The following TAFA4 variants were observed in gnomAD, a reference collection of about 807,000 sequenced individuals.
The protein encoded by TAFA4 is TAFA chemokine like family member 4, also known as chemokine-like protein TAFA-4.
Under a neutral mutation model 21.1 loss-of-function variants are expected in TAFA4, and 20 were observed. That is an observed-to-expected ratio of 0.95 (90% CI 0.67 to 1.38). TAFA4 has a LOEUF of 1.38. TAFA4 is among the 40% of genes most tolerant of loss of function. The probability of loss-of-function intolerance (pLI) is 0.00; values close to 1 mark genes in which losing one functional copy is unlikely to be tolerated. For missense variants in TAFA4, 211 were observed against 180.9 expected, an observed-to-expected ratio of 1.17 and a Z score of -0.95; for synonymous variants, 71 against 67.4, an observed-to-expected ratio of 1.05 and a Z score of -0.26.
intron 3 of TAFA4, among the ~76,000 whole-genome samples, chr3:68,757,016 C>T (rs1214984619): frequency 6.6e-6 from 1 of 152,132 alleles, no homozygotes; most frequent in African/African-American, 2.4e-5. Context: ...GAGCAGGGGC[C>T]AGGATGATCC....
chr3:68,856,719 C>T (rs144245450), intron 3 of TAFA4, among the ~76,000 whole-genome samples: 1 of 152,296 alleles, frequency 6.6e-6, no homozygotes, highest in African/African-American at 2.4e-5. Context: ...ATAGCTTCCA[C>T]ATTCATATGG....
At chr3:68,880,256 A>T (rs1007893480) in intron 3 of TAFA4, among the ~76,000 whole-genome samples, 2 of 152,204 alleles carry the variant, frequency 1.3e-5, no homozygotes, top group South Asian at 4.1e-4. Flanking sequence ...TTTTTTAAAA[A>T]ATCATGTAGC....
At chr3:68,765,097 T>C (rs1283346432) in intron 3 of TAFA4, among the ~76,000 whole-genome samples, 1 of 152,128 alleles carries the variant, frequency 6.6e-6, no homozygotes, top group Non-Finnish European at 1.5e-5. Context: ...TAAAGCCAAA[T>C]GGAGAGTTAG....
At chr3:68,817,673 AC>A (rs2106856634) in intron 3 of TAFA4, among the ~76,000 whole-genome samples, 1 of 152,292 alleles carries the variant, frequency 6.6e-6, no homozygotes, top group East Asian at 1.9e-4. Context: ...AAGCATGAAA[AC>A]AACATTAATC....
At chr3:68,913,534 CT>C (rs1559561655) in intron 1 of TAFA4, 1 of 152,196 alleles carries the variant, frequency 6.6e-6, no homozygotes, top group Non-Finnish European at 1.5e-5. Flanking sequence ...CAGGGAAAGG[CT>C]GCCAAAGACA....
intron 2 of TAFA4, among the ~76,000 whole-genome samples, chr3:68,883,837 G>A (rs2089643195): frequency 6.6e-6 from 1 of 152,104 alleles, no homozygotes; most frequent in Admixed American, 6.5e-5. Context: ...GGAGACCGAG[G>A]TGGAAGGAAC....
intron 3 of TAFA4, among the ~76,000 whole-genome samples, chr3:68,764,199 G>T (rs1230718109): frequency 6.6e-6 from 1 of 151,884 alleles, no homozygotes; most frequent in Non-Finnish European, 1.5e-5. Flanking sequence ...GTGTCCTCAG[G>T]GGAAGAGACA....
chr3:68,849,583 C>G (rs1483068199), intron 3 of TAFA4, among the ~76,000 whole-genome samples: 1 of 152,204 alleles, frequency 6.6e-6, no homozygotes, highest in African/African-American at 2.4e-5. Context: ...ACCCTTCGGA[C>G]TAGCCCAGGT....
intron 2 of TAFA4, among the ~76,000 whole-genome samples, chr3:68,884,059 G>A (rs1392450444): frequency 6.6e-6 from 1 of 152,174 alleles, no homozygotes; most frequent in Non-Finnish European, 1.5e-5. Context: ...AAGATGGGAT[G>A]TTCTTCAGTA....
intron 1 of TAFA4, among the ~76,000 whole-genome samples, chr3:68,904,036 A>C (rs956365730): frequency 6.7e-6 from 1 of 149,796 alleles, no homozygotes; most frequent in Non-Finnish European, 1.5e-5. Flanking sequence ...AAGCACCAGA[A>C]AACTGTTGCA....
At chr3:68,797,164 T>A (rs1278948368) in intron 3 of TAFA4, among the ~76,000 whole-genome samples, 1 of 152,140 alleles carries the variant, frequency 6.6e-6, no homozygotes, top group African/African-American at 2.4e-5. Flanking sequence ...TCCAAAAGAA[T>A]TGAAGTCAAG....
At chr3:68,916,922 T>C (rs985111288) in intron 1 of TAFA4, among the ~76,000 whole-genome samples, 3 of 152,194 alleles carry the variant, frequency 2.0e-5, no homozygotes, top group African/African-American at 2.4e-5. Flanking sequence ...ATATCTCCTA[T>C]GGCTACCCTG....
chr3:68,771,602 G>T (rs561146201), intron 3 of TAFA4, among the ~76,000 whole-genome samples: 1 of 152,106 alleles, frequency 6.6e-6, no homozygotes, highest in Admixed American at 6.5e-5. Flanking sequence ...TTAAAAATTC[G>T]TATTATCAAA....
At chr3:68,898,444 G>A (rs946417230) in intron 1 of TAFA4, among the ~76,000 whole-genome samples, 3 of 152,144 alleles carry the variant, frequency 2.0e-5, no homozygotes, top group African/African-American at 2.4e-5. Flanking sequence ...CCTGAGGTCA[G>A]GAGACCAGCC....
intron 3 of TAFA4, among the ~76,000 whole-genome samples, chr3:68,754,544 C>T (rs1702622526): frequency 6.6e-6 from 1 of 152,154 alleles, no homozygotes. Flanking sequence ...TCAGGAAACA[C>T]CCAATGTCCT....
chr3:68,804,400 A>T (rs1190374715), intron 3 of TAFA4, among the ~76,000 whole-genome samples: 1 of 152,202 alleles, frequency 6.6e-6, no homozygotes, highest in African/African-American at 2.4e-5. Flanking sequence ...ATTCAATGCC[A>T]TCCCCATCAA....
At chr3:68,902,567 C>T (rs1034730924) in intron 1 of TAFA4, among the ~76,000 whole-genome samples, 1 of 152,066 alleles carries the variant, frequency 6.6e-6, no homozygotes. Flanking sequence ...ATGGTTTCAC[C>T]ATGTTTCCCA....
At chr3:68,782,182 T>C (rs577270976) in intron 3 of TAFA4, among the ~76,000 whole-genome samples, 3 of 152,182 alleles carry the variant, frequency 2.0e-5, no homozygotes, top group Admixed American at 2.0e-4. Flanking sequence ...ACCCAACTTA[T>C]AAAGGGCTTG....
chr3:68,837,869 T>C (rs1214575663), intron 3 of TAFA4, among the ~76,000 whole-genome samples: 3 of 152,094 alleles, frequency 2.0e-5, no homozygotes, highest in African/African-American at 7.2e-5. Context: ...CAGGATCTGT[T>C]TTTTATTATT....
Sources: allele counts gnomAD v4.1 joint callset (sites outside exome capture counted in the v4.1 genomes callset), GRCh38; gene constraint gnomAD v4.1.1; transcripts MANE v1.5; gene names NCBI Gene and HGNC (gene_info 2026-07-23, HGNC 2026-07-21).